Variants in SPATA13 observed in about 807,000 individuals in gnomAD.
SPATA13 encodes spermatogenesis associated 13.
Under a neutral mutation model 104.0 loss-of-function variants are expected in SPATA13, and 50 were observed. The observed-to-expected ratio is 0.48, with a 90% CI of 0.38 to 0.61. The LOEUF is 0.61. Ranked by LOEUF, SPATA13 falls within the 20% of genes least tolerant of loss-of-function variation. SPATA13 has a pLI of 0.00. For synonymous variants in SPATA13, 606 were observed against 667.5 expected (o/e 0.91, Z 1.42); for missense variants, 1,524 against 1,690.6 (o/e 0.90, Z 1.73).
rs571202843 is a variant in SPATA13 at position 24,068,658 on chromosome 13, G to A, written c.-112+50957G>A. Among the ~76,000 whole-genome samples, 49 of 152,130 alleles carry A rather than the reference G, an allele frequency of 3.2e-4. 1 individual carries two copies. The highest frequency in any genetic ancestry group is 3.4e-3 in the Middle Eastern group (1 of 294). On this transcript the variant is annotated intron_variant, in intron 3 of 14. Transcript: ENST00000424834. The stretch of plus-strand genomic sequence containing the variant: ...TTTCCACCAGCATCTGTTATTTTTG[G>A]ACTATTTTGACTTGCATTCTTATGC...
chr13:24,098,763 C>T (rs1325231357), intron 3 of SPATA13, among the ~76,000 whole-genome samples: 3 of 151,650 alleles, frequency 2.0e-5, no homozygotes, highest in Admixed American at 2.0e-4. Context: ...CCCGTCTTTA[C>T]TAAAAACACA....
intron 4 of SPATA13, among the ~76,000 whole-genome samples, chr13:24,276,991 C>A (rs573175006): frequency 1.1e-4 from 16 of 152,308 alleles, no homozygotes; most frequent in African/African-American, 3.8e-4. Context: ...ATTCGTAATT[C>A]AATTGAACAA....
chr13:24,294,877 A>G lies in SPATA13; in HGVS notation c.3210+9A>G, dbSNP rs2138760649. 6.2e-7 allele frequency: 1 copy of G among 1,602,496 alleles called. No individual in the cohort carries two copies. Among genetic ancestry groups the G allele is most frequent in the Non-Finnish European group, 8.5e-7 (1 of 1,170,280 alleles). ...CTATCGTGGGCTGGGAGGTAAGTGG[A>G]AAGCACCCCACATGATCCCATGCCA... On this transcript the variant is annotated intron_variant, in intron 10 of 12. Transcript: ENST00000382108.
intron 3 of SPATA13, among the ~76,000 whole-genome samples, chr13:24,021,601 T>C (rs888873899): frequency 2.6e-5 from 4 of 152,270 alleles, no homozygotes; most frequent in African/African-American, 9.6e-5. Flanking sequence ...CTAATTGTTT[T>C]GAACGTCAAA....
At chr13:24,259,997 T>C (rs1461914441) in intron 4 of SPATA13, among the ~76,000 whole-genome samples, 1 of 152,124 alleles carries the variant, frequency 6.6e-6, no homozygotes, top group African/African-American at 2.4e-5. Context: ...TTTCGATCCA[T>C]TTAACAAATA....
At position 24,024,255 on chromosome 13, in the gene SPATA13, T is replaced by C. The variant is rs149275278; in HGVS notation, c.-112+6554T>C. ...ATCCATGGTTGTATGCGCTCTAAGA[T>C]TCTTCAGACTATAGGACTTTGAATG... On this transcript the variant is annotated intron_variant, in intron 3 of 14. Coordinates refer to the SPATA13 transcript ENST00000424834. Among the ~76,000 whole-genome samples, 547 of 152,276 alleles carry C rather than the reference T, an allele frequency of 3.6e-3. 2 individuals are homozygous for C. The highest frequency in any genetic ancestry group is 0.012 in the African/African-American group (515 of 41,548).
At chr13:24,185,029 C>T (rs924249456) in intron 1 of SPATA13, among the ~76,000 whole-genome samples, 7 of 152,090 alleles carry the variant, frequency 4.6e-5, no homozygotes, top group Non-Finnish European at 8.8e-5. Flanking sequence ...TTGAAAGGCA[C>T]GTGTATCGAG....
intron 1 of SPATA13, among the ~76,000 whole-genome samples, chr13:24,183,832 T>G (rs1028950772): frequency 1.3e-5 from 2 of 152,058 alleles, no homozygotes; most frequent in Non-Finnish European, 2.9e-5. Flanking sequence ...AGTAGAGGCT[T>G]AGAGGCACTC....
chr13:24,030,096 A>T (rs1877416287), intron 3 of SPATA13, among the ~76,000 whole-genome samples: 1 of 149,764 alleles, frequency 6.7e-6, no homozygotes, highest in African/African-American at 2.4e-5. Flanking sequence ...ACACATACAT[A>T]CATACATACA....
At chr13:24,114,119 T>C (rs1418167458) in intron 3 of SPATA13, among the ~76,000 whole-genome samples, 2 of 152,198 alleles carry the variant, frequency 1.3e-5, no homozygotes, top group Non-Finnish European at 2.9e-5. Flanking sequence ...GAAGGACAAG[T>C]GTAGACTTTG....
At chr13:24,023,722 A>C (rs1373939645) in intron 3 of SPATA13, among the ~76,000 whole-genome samples, 1 of 152,150 alleles carries the variant, frequency 6.6e-6, no homozygotes, top group Non-Finnish European at 1.5e-5. Flanking sequence ...GCTGGCTTTG[A>C]AGGTGGAGGC....
At chr13:24,202,520 CTTTTT>C (rs10608738) in intron 1 of SPATA13, among the ~76,000 whole-genome samples, 80 of 88,352 alleles carry the variant, frequency 9.1e-4, no homozygotes, top group African/African-American at 2.5e-3. Flanking sequence ...CTTTCTTTCC[CTTTTT>C]TTTTTTTTTT....
At chr13:24,290,167 C>G (rs771520901) in intron 8 of SPATA13, among the ~76,000 whole-genome samples, 1 of 152,092 alleles carries the variant, frequency 6.6e-6, no homozygotes, top group Non-Finnish European at 1.5e-5. Flanking sequence ...GGGGTCTTGG[C>G]GGGCCCAGCC....
intron 2 of SPATA13, among the ~76,000 whole-genome samples, chr13:24,003,807 C>G (rs946346089): frequency 1.3e-5 from 2 of 152,080 alleles, no homozygotes; most frequent in Non-Finnish European, 2.9e-5. Context: ...CCTTTTTGTT[C>G]TATACTTGAT....
intron 4 of SPATA13, chr13:24,273,281 T>A (rs373193177): frequency 2.6e-5 from 4 of 152,656 alleles, no homozygotes; most frequent in East Asian, 1.9e-4. Context: ...CTGGAGCCAA[T>A]GGGGTGTTGG....
rs1024395765 is a variant in SPATA13 at position 24,304,167 on chromosome 13, G to T, written c.*1394G>T. The T allele has an allele frequency of 7.2e-5, 11 of 152,184 alleles. No individual in the cohort carries two copies. The highest frequency in any genetic ancestry group is 1.3e-4 in the Admixed American group (2 of 15,288). The allele number at this position is 152,184 out of a possible 1,614,324, so 9.4% of individuals were successfully genotyped here. ...ACCATGTCACGTGAGCATGTCATCA[G>T]GCTTCTGAGGACTTGTTCTTTATAA... On this transcript the variant is annotated 3_prime_UTR_variant, in exon 13 of 13. Transcript: ENST00000382108.
chr13:24,104,764 T>C (rs1409434759), intron 3 of SPATA13, among the ~76,000 whole-genome samples: 2 of 152,228 alleles, frequency 1.3e-5, no homozygotes, highest in Non-Finnish European at 2.9e-5. Context: ...GATTTTGATA[T>C]AATAACTTGT....
chr13:24,012,479 A>G lies in SPATA13; in HGVS notation c.-146-5188A>G, dbSNP rs1876515616. Among the ~76,000 whole-genome samples, 5 of 152,342 alleles carry G rather than the reference A, an allele frequency of 3.3e-5. No homozygotes were observed. The South Asian group carries it at 1.0e-3, about 32-fold the overall frequency. On this transcript the variant is annotated intron_variant, in intron 2 of 14. Coordinates refer to the SPATA13 transcript ENST00000424834. ...CAGGACAGAGACAAAGGCTGTGCCT[A>G]CTGTCTCCAAGGAGTGGGAGAGGAC...
At chr13:23,987,079 G>GTGCCCAGA (rs367986400) in intron 2 of SPATA13, among the ~76,000 whole-genome samples, 1 of 150,646 alleles carries the variant, frequency 6.6e-6, no homozygotes, top group Non-Finnish European at 1.5e-5. Flanking sequence ...CATAGGCAGT[G>GTGCCCAGA]GATTGATATT....
Sources: allele counts gnomAD v4.1 joint callset (sites outside exome capture counted in the v4.1 genomes callset), GRCh38; gene constraint gnomAD v4.1.1; transcripts MANE v1.5; gene names NCBI Gene and HGNC (gene_info 2026-07-23, HGNC 2026-07-21).